Variants in C14orf132 observed in about 807,000 individuals in gnomAD.
C14orf132 encodes chromosome 14 open reading frame 132, also known as uncharacterized protein C14orf132.
C14orf132 carries 6 observed loss-of-function variants against 5.8 expected under a neutral mutation model. That is an observed-to-expected ratio of 1.03 (90% confidence interval 0.57 to 2.04). The LOEUF is 2.04. C14orf132 is among the 30% of genes most tolerant of loss of function. The pLI, the probability that C14orf132 is intolerant of heterozygous loss-of-function variation, is 0.00. For missense variants in C14orf132, 125 were observed against 115.8 expected, an observed-to-expected ratio of 1.08 and a Z score of -0.37; for synonymous variants, 51 against 49.8, an observed-to-expected ratio of 1.02 and a Z score of -0.10.
intron 1 of C14orf132, among the ~76,000 whole-genome samples, chr14:96,063,961 CAT>C (rs1265012333): frequency 3.3e-5 from 5 of 152,068 alleles, no homozygotes; most frequent in Admixed American, 1.3e-4. Context: ...GGCCAACAAA[CAT>C]ATGAAAAAAT....
chr14:96,051,948 A>G (rs1272829715), intron 1 of C14orf132, among the ~76,000 whole-genome samples: 3 of 152,254 alleles, frequency 2.0e-5, no homozygotes, highest in African/African-American at 7.2e-5. Context: ...CCTCTGGTGG[A>G]AGAAGAGGAT....
chr14:96,059,266 C>T (rs1887274566), intron 1 of C14orf132, among the ~76,000 whole-genome samples: 1 of 152,188 alleles, frequency 6.6e-6, no homozygotes, highest in African/African-American at 2.4e-5. Context: ...GCCTAGGCGA[C>T]AGAATGAGAC....
intron 1 of C14orf132, among the ~76,000 whole-genome samples, chr14:96,055,896 G>A (rs1887169183): frequency 6.6e-6 from 1 of 152,186 alleles, no homozygotes; most frequent in Non-Finnish European, 1.5e-5. Context: ...GGTAGCTGGT[G>A]TTGCAAGGCT....
intron 1 of C14orf132, among the ~76,000 whole-genome samples, chr14:96,075,700 A>G (rs1426610845): frequency 2.0e-5 from 3 of 152,136 alleles, no homozygotes; most frequent in African/African-American, 4.8e-5. Context: ...TTGTTTCTTC[A>G]TAGTTCTGTC....
At position 96,093,288 on chromosome 14, in the gene C14orf132, C is replaced by A. The variant is rs1888475694; in HGVS notation, c.*6553C>A. ...GATGGGAGTGTGGGGCTGAACTTTT[C>A]CCTACCCTTAACTTTGTGTCTCTGG... On this transcript the variant is annotated 3_prime_UTR_variant, in exon 2 of 2. Transcript: ENST00000555004. 1 of 152,180 alleles carries A rather than the reference C, an allele frequency of 6.6e-6. No individual in the cohort carries two copies. The highest frequency in any genetic ancestry group is 2.1e-4 in the South Asian group (1 of 4,834). The allele number at this position is 152,180 out of a possible 1,614,324, so 9.4% of individuals were successfully genotyped here. A position where few individuals can be genotyped will look rare whatever the true frequency, so the allele number is the denominator to read the frequency against.
In C14orf132 at chr14:96,039,529, T is replaced by A. The variant is rs976869949; in HGVS notation, c.27+2T>A. 4.0e-6 allele frequency: 6 copies of A among 1,502,334 alleles called. No homozygotes were observed. The highest frequency in any genetic ancestry group is 4.4e-6 in the Non-Finnish European group (5 of 1,129,118). 93.1% of individuals were successfully genotyped at this position (1,502,334 alleles called of 1,614,324 possible). On this transcript the variant is annotated splice_donor_variant, in intron 1 of 1. Coordinates refer to ENST00000555004, the MANE Select transcript of C14orf132 (RefSeq NM_001252507.3). LOFTEE classifies it high-confidence loss of function. The surrounding 1 kb of genome is among the most constrained non-coding windows in gnomAD (Gnocchi z 5.3). ...GATCTCTCCTTTATGGCCGCGCAGG[T>A]AACGGGGCGTCCCCCCCACGCGCCC... is the stretch of plus-strand genomic sequence containing the variant.
intron 1 of C14orf132, among the ~76,000 whole-genome samples, chr14:96,083,691 C>T (rs1888095825): frequency 6.6e-6 from 1 of 152,196 alleles, no homozygotes. Flanking sequence ...CCTAGAGCCT[C>T]CAGAAGGAGT....
rs35343820 is a variant in C14orf132 at position 96,089,980 on chromosome 14, C to T, written c.*3245C>T. ...CTGGGGCCTCTGTACTGGCTTCTCC[C>T]TGGGTGGGGTTGCCTGTTACATAGC... On this transcript the variant is annotated 3_prime_UTR_variant, in exon 2 of 2. Coordinates refer to ENST00000555004, the MANE Select transcript of C14orf132 (RefSeq NM_001252507.3). 5,665 of 152,764 alleles carry T rather than the reference C, an allele frequency of 0.037. 138 individuals are homozygous for T. Among genetic ancestry groups the T allele is most frequent in the Non-Finnish European group, 0.054 (3,704 of 68,416 alleles). The allele number at this position is 152,764 out of a possible 1,614,324, so 9.5% of individuals were successfully genotyped here. A position where few individuals can be genotyped will look rare whatever the true frequency, so the allele number is the denominator to read the frequency against.
At chr14:96,057,275 G>T (rs74086036) in intron 1 of C14orf132, among the ~76,000 whole-genome samples, 1 of 152,312 alleles carries the variant, frequency 6.6e-6, no homozygotes, top group African/African-American at 2.4e-5. Flanking sequence ...ACTTTGTGAG[G>T]ACACAGCCTT....
At chr14:96,069,175 A>ATG (rs1887622989) in intron 1 of C14orf132, among the ~76,000 whole-genome samples, 2 of 117,638 alleles carry the variant, frequency 1.7e-5, no homozygotes, top group African/African-American at 3.3e-5. Flanking sequence ...CTTCATATAT[A>ATG]TATGTATATA....
intron 1 of C14orf132, among the ~76,000 whole-genome samples, chr14:96,043,797 G>A (rs182449405): frequency 6.6e-6 from 1 of 152,314 alleles, no homozygotes; most frequent in Non-Finnish European, 1.5e-5. Flanking sequence ...GTGGTCACTG[G>A]AAGTCACCTA....
intron 1 of C14orf132, among the ~76,000 whole-genome samples, chr14:96,047,828 A>G (rs1886873765): frequency 6.6e-6 from 1 of 152,144 alleles, no homozygotes; most frequent in Non-Finnish European, 1.5e-5. Context: ...AGCCTCTTCC[A>G]CCATCAGCAT....
At chr14:96,049,646 A>ATG (rs1566823948) in intron 1 of C14orf132, among the ~76,000 whole-genome samples, 2,927 of 79,162 alleles carry the variant, frequency 0.037, 428 homozygotes, top group African/African-American at 0.046. Context: ...ATACGTATAT[A>ATG]TATATATAGA....
chr14:96,073,103 A>G (rs1321423162), intron 1 of C14orf132, among the ~76,000 whole-genome samples: 1 of 152,152 alleles, frequency 6.6e-6, no homozygotes, highest in African/African-American at 2.4e-5. Flanking sequence ...AGCAAGGTAC[A>G]AGAGTTCTGG....
intron 1 of C14orf132, among the ~76,000 whole-genome samples, chr14:96,085,735 T>G (rs960281913): frequency 2.0e-5 from 3 of 152,214 alleles, no homozygotes; most frequent in African/African-American, 4.8e-5. Context: ...GTGTGTACCA[T>G]GATGCATGTA....
In C14orf132 at chr14:96,039,407, C is replaced by G; in HGVS notation, c.-94C>G. 1.5e-6 allele frequency: 2 copies of G among 1,291,836 alleles called. No individual in the cohort carries two copies. Among genetic ancestry groups the G allele is most frequent in the Non-Finnish European group, 2.0e-6 (2 of 987,082 alleles). 80.0% of individuals were successfully genotyped at this position (1,291,836 alleles called of 1,614,324 possible). A position where few individuals can be genotyped will look rare whatever the true frequency, so the allele number is the denominator to read the frequency against. The stretch of plus-strand genomic sequence containing the variant: ...GTGCGCCGTGCGGTCTCCGGACGCT[C>G]GCTGCTCAGCCCGATCCCCGCCAAC... On this transcript the variant is annotated 5_prime_UTR_variant, in exon 1 of 2. Coordinates refer to ENST00000555004, the MANE Select transcript of C14orf132 (RefSeq NM_001252507.3). This position sits in a 1 kb window ranked among gnomAD's most constrained non-coding sequence, Gnocchi z 5.3.
intron 1 of C14orf132, among the ~76,000 whole-genome samples, chr14:96,061,192 G>A (rs8016658): frequency 0.42 from 63,338 of 151,908 alleles, 14,331 homozygotes; most frequent in East Asian, 0.7. Flanking sequence ...CAGCACCTCA[G>A]GGAGGGAAAT....
chr14:96,083,940 C>T (rs1012767620), intron 1 of C14orf132, among the ~76,000 whole-genome samples: 3 of 152,204 alleles, frequency 2.0e-5, no homozygotes, highest in Non-Finnish European at 4.4e-5. Context: ...CCGAGTGCCT[C>T]CTGGCAGGAA....
chr14:96,044,948 G>A (rs1287625280), intron 1 of C14orf132, among the ~76,000 whole-genome samples: 3 of 152,130 alleles, frequency 2.0e-5, no homozygotes, highest in Non-Finnish European at 2.9e-5. Flanking sequence ...TCTACCTATC[G>A]AGGGGACACA....
Sources: gnomAD v4.1 joint callset for allele counts (sites outside exome capture counted in the v4.1 genomes callset) on GRCh38, gnomAD v4.1.1 for gene constraint, Gnocchi (gnomAD v3.1) non-coding constraint, MANE v1.5 for transcripts, NCBI Gene and HGNC (gene_info 2026-07-23, HGNC 2026-07-21) for gene names.